NWD2: variants seen among roughly 807,000 people sequenced by gnomAD.
NWD2 encodes the protein NACHT and WD repeat domain-containing protein 2.
Under a neutral mutation model 132.7 loss-of-function variants are expected in NWD2, and 37 were observed. The ratio of observed to expected loss-of-function variants is 0.28; its 90% CI spans 0.21 to 0.37. The LOEUF (loss-of-function observed/expected upper bound fraction) is 0.37. Ranked by LOEUF, NWD2 falls within the 10% of genes least tolerant of loss-of-function variation. The probability of loss-of-function intolerance (pLI) is 1.00; values close to 1 mark genes in which losing one functional copy is unlikely to be tolerated. For synonymous variants in NWD2, 705 were observed against 803.0 expected (o/e 0.88, Z 2.06); for missense variants, 1,592 against 2,122.4 (o/e 0.75, Z 4.91).
chr4:37,431,354 A>G (rs946663888), intron 4 of NWD2, among the ~76,000 whole-genome samples: 3 of 152,242 alleles, frequency 2.0e-5, no homozygotes, highest in Admixed American at 6.5e-5. Context: ...AAAGAAAGCA[A>G]TCCTACCATT....
At position 37,313,697 on chromosome 4, in the gene NWD2, TTTG is replaced by T. The variant is rs1718899495; in HGVS notation, c.152-12233_152-12231del. Among the ~76,000 whole-genome samples the T allele has an allele frequency of 2.0e-5, 3 of 150,884 alleles. 1 individual carries two copies. The highest frequency in any genetic ancestry group is 7.5e-5 in the African/African-American group (3 of 40,248). On this transcript the variant is annotated intron_variant, in intron 1 of 6. Coordinates refer to ENST00000309447, the MANE Select transcript of NWD2 (RefSeq NM_001144990.2). ...TGTTGATGAGTTTTTTGTTTGTTTG[TTTG>T]TTGTTTGTTTGTTTCTGAGATGGAG...
At chr4:37,260,984 C>T (rs895224750) in intron 1 of NWD2, among the ~76,000 whole-genome samples, 2 of 152,180 alleles carry the variant, frequency 1.3e-5, no homozygotes, top group Non-Finnish European at 2.9e-5. Flanking sequence ...CATTTTCTGA[C>T]TCAGTGACCT....
At chr4:37,373,723 T>G (rs1415618311) in intron 3 of NWD2, among the ~76,000 whole-genome samples, 1 of 152,122 alleles carries the variant, frequency 6.6e-6, no homozygotes, top group Non-Finnish European at 1.5e-5. Flanking sequence ...CAGCAACAGA[T>G]GGAGAAGAAG....
At position 37,283,776 on chromosome 4, in the gene NWD2, G is replaced by T. The variant is rs560101052; in HGVS notation, c.151+38558G>T. ...GAGTATAAGATAATTAAGAAAACCA[G>T]TATCTCTGGGGAGTATATTTAGGGC... On this transcript the variant is annotated intron_variant, in intron 1 of 6. Transcript: ENST00000309447. Among the ~76,000 whole-genome samples, 11 of 152,266 alleles carry T rather than the reference G, an allele frequency of 7.2e-5. No homozygotes were observed. The South Asian group carries it at 2.3e-3, about 31-fold the overall frequency.
chr4:37,333,884 G>GA (rs1719342762), intron 2 of NWD2, among the ~76,000 whole-genome samples: 2 of 151,998 alleles, frequency 1.3e-5, no homozygotes, highest in Admixed American at 1.3e-4. Flanking sequence ...GGTATAATTT[G>GA]AAAAAAGCAG....
intron 1 of NWD2, among the ~76,000 whole-genome samples, chr4:37,274,235 A>G (rs1225219598): frequency 6.6e-6 from 1 of 152,204 alleles, no homozygotes; most frequent in Non-Finnish European, 1.5e-5. Flanking sequence ...GCAATAAAAA[A>G]TGATAAAGGA....
chr4:37,341,234 G>A (rs1247329419), intron 2 of NWD2, among the ~76,000 whole-genome samples: 6 of 152,172 alleles, frequency 3.9e-5, no homozygotes, highest in Admixed American at 3.9e-4. Context: ...TTTCCCAGCT[G>A]TAGTCTAACA....
intron 3 of NWD2, among the ~76,000 whole-genome samples, chr4:37,381,511 C>G (rs1290697669): frequency 3.9e-5 from 6 of 152,208 alleles, no homozygotes; most frequent in Non-Finnish European, 7.4e-5. Flanking sequence ...AGGACTACCT[C>G]CAACTCCATG....
intron 2 of NWD2, 44 bp from the exon 3 acceptor site, chr4:37,356,322 A>G: frequency 9.5e-7 from 1 of 1,053,702 alleles, no homozygotes; most frequent in South Asian, 1.9e-5. Flanking sequence ...AAATAAAAAC[A>G]AAGCCCACAT....
rs569387144 is a variant in NWD2, at chr4:37,444,994, C to A, written c.3006C>A (p.Leu1002=). ...STWDVETRQL[L]RQITTAQSVI... Reference sequence around the variant, plus strand: ...GGGATGTAGAGACTCGACAGCTACTCAGGCAAATCACCACAGCCCAGTCTG... The same window carrying A: ...GGGATGTAGAGACTCGACAGCTACTAAGGCAAATCACCACAGCCCAGTCTG... Residue 1002 remains leucine, a synonymous_variant, in exon 7 of 7, where the codon CTC becomes CTA. Transcript: ENST00000309447. The surrounding 1 kb of genome is among the most constrained non-coding windows in gnomAD (Gnocchi z 4.8). 3 of 1,552,000 alleles carry A rather than the reference C, an allele frequency of 1.9e-6. No individual in the cohort carries two copies. In the African/African-American group the frequency reaches 4.1e-5, roughly 21 times the overall value.
intron 3 of NWD2, among the ~76,000 whole-genome samples, chr4:37,373,590 G>A (rs376142779): frequency 2.6e-5 from 4 of 152,200 alleles, no homozygotes; most frequent in African/African-American, 7.2e-5. Flanking sequence ...ATATTCATAT[G>A]CCTCATCACT....
chr4:37,258,294 C>T (rs1423274508), intron 1 of NWD2, among the ~76,000 whole-genome samples: 1 of 152,236 alleles, frequency 6.6e-6, no homozygotes, highest in Non-Finnish European at 1.5e-5. Flanking sequence ...AACCAACTTT[C>T]ACTGTAAGTT....
At chr4:37,255,374 G>A (rs553292000) in intron 1 of NWD2, among the ~76,000 whole-genome samples, 8 of 152,232 alleles carry the variant, frequency 5.3e-5, no homozygotes, top group African/African-American at 1.7e-4. Context: ...GTGGCCAGTG[G>A]GGAACTGCTC....
intron 2 of NWD2, among the ~76,000 whole-genome samples, chr4:37,349,352 C>T (rs1028447897): frequency 1.3e-5 from 2 of 152,110 alleles, no homozygotes; most frequent in African/African-American, 4.8e-5. Flanking sequence ...CTTTTGTTTC[C>T]TGAGTTTTTG....
intron 1 of NWD2, among the ~76,000 whole-genome samples, chr4:37,272,293 C>T (rs1439668372): frequency 6.6e-6 from 1 of 151,540 alleles, no homozygotes; most frequent in Non-Finnish European, 1.5e-5. Context: ...GCATTTGGTA[C>T]CAGAGCCTCA....
At chr4:37,281,620 G>A (rs539908224) in intron 1 of NWD2, among the ~76,000 whole-genome samples, 7 of 152,044 alleles carry the variant, frequency 4.6e-5, no homozygotes, top group African/African-American at 7.2e-5. Flanking sequence ...TCCTGTTAGC[G>A]TCCCCATTTC....
intron 1 of NWD2, among the ~76,000 whole-genome samples, chr4:37,265,757 G>A (rs1666851405): frequency 6.6e-6 from 1 of 151,862 alleles, no homozygotes; most frequent in African/African-American, 2.4e-5. Flanking sequence ...GGACCCTTGT[G>A]ATTATATTGG....
At chr4:37,384,205 G>A (rs1346041611) in intron 3 of NWD2, among the ~76,000 whole-genome samples, 3 of 152,186 alleles carry the variant, frequency 2.0e-5, no homozygotes, top group African/African-American at 4.8e-5. Flanking sequence ...CTTCTAAGAT[G>A]TCAGCCTTTC....
At chr4:37,434,862 T>A (rs528424606) in intron 5 of NWD2, among the ~76,000 whole-genome samples, 1 of 151,902 alleles carries the variant, frequency 6.6e-6, no homozygotes, top group Admixed American at 6.6e-5. Context: ...AGGAAGCTTG[T>A]GTTTTATTCT....
Sources: gnomAD v4.1 joint callset for allele counts (sites outside exome capture counted in the v4.1 genomes callset) on GRCh38, gnomAD v4.1.1 for gene constraint, Gnocchi (gnomAD v3.1) non-coding constraint, MANE v1.5 for transcripts, NCBI Gene and HGNC (gene_info 2026-07-23, HGNC 2026-07-21) for gene names.